PPP1R3F: variants seen among roughly 807,000 people sequenced by gnomAD.
PPP1R3F encodes the protein protein phosphatase 1, regulatory (inhibitor) subunit 3F.
In PPP1R3F, 29 loss-of-function variants were observed where a neutral mutation model predicts 24.2. The ratio of observed to expected loss-of-function variants is 1.20; its 90% CI spans 0.89 to 1.63. The LOEUF (loss-of-function observed/expected upper bound fraction) is 1.63. Ranked by LOEUF, PPP1R3F falls within the 40% of genes most tolerant of loss-of-function variation. The pLI, the probability that PPP1R3F is intolerant of heterozygous loss-of-function variation, is 0.00. For missense variants in PPP1R3F, 823 were observed against 729.3 expected (o/e 1.13, Z -1.48); for synonymous variants, 363 against 340.1 (o/e 1.07, Z -0.74).
Position 49,286,714 on chromosome X carries a change from T to C in PPP1R3F, c.2024T>C (p.Ile675Thr), listed in dbSNP as rs782558168. The change falls in exon 4 of 4, where the codon ATA (isoleucine) becomes ACA (threonine). Residue 675 changes from isoleucine to threonine, a missense_variant. By Grantham distance (89) the Ile-to-Thr change is moderately conservative. Transcript: ENST00000055335. ...GGGGAGGCCGGGACAGAAGCCCAGA[T>C]AGAGGTCACCAGTGAGTGGGCAGGC... ...SLGEAGTEAQ[I>T]EVTSEWAGSL... 9 of 1,208,338 alleles carry C rather than the reference T, an allele frequency of 7.4e-6. No homozygotes were observed. Among genetic ancestry groups the C allele is most frequent in the African/African-American group, 1.7e-5 (1 of 57,741 alleles).
In PPP1R3F at chrX:49,286,059, G is replaced by A. The variant is rs781948727; in HGVS notation, c.1369G>A (p.Ala457Thr). ...GGAGCCCAGTCAGCAGCAGGCAGAG[G>A]CCACATGGGGAGTATCGAGTGAGAA... ...FLEPSQQQAE[A>T]TWGVSSENGG... is the part of the protein sequence containing the mutation. The change falls in exon 4 of 4, where the codon GCC (alanine) becomes ACC (threonine). Residue 457 changes from alanine (A) to threonine (T), a missense_variant. By Grantham distance (58) the Ala-to-Thr change is moderately conservative. Transcript: ENST00000055335. 4 of 1,175,032 alleles carry A rather than the reference G, an allele frequency of 3.4e-6. No individual in the cohort carries two copies. In the South Asian group the frequency reaches 7.7e-5, roughly 23 times the overall value.
chrX:49,282,655 A>T (rs1390469275), intron 3 of PPP1R3F, among the ~76,000 whole-genome samples: 1 of 109,094 alleles, frequency 9.2e-6, no homozygotes, highest in Non-Finnish European at 1.9e-5. Flanking sequence ...AGGTGAGGCC[A>T]TGACTAACGT....
chrX:49,270,786 C>G lies in PPP1R3F; in HGVS notation c.917C>G (p.Pro306Arg). 1 of 1,194,324 alleles carries G rather than the reference C, an allele frequency of 8.4e-7. No homozygotes were observed. The highest frequency in any genetic ancestry group is 1.1e-6 in the Non-Finnish European group (1 of 886,622). The change falls in exon 1 of 4, where the codon CCG becomes CGG. Residue 306 changes from proline to arginine, a missense_variant. Coordinates refer to ENST00000055335, the MANE Select transcript of PPP1R3F (RefSeq NM_033215.5). ...AEGLPQQQQL[P>R]QLEPQPECQG... ...GGGCTGCCCCAGCAGCAGCAGCTGC[C>G]GCAGCTGGAGCCACAGCCCGAGTGC...
At position 49,286,332 on chromosome X, in the gene PPP1R3F, G is replaced by A. The variant is rs782230627; in HGVS notation, c.1642G>A (p.Ala548Thr). The change falls in exon 4 of 4, where the codon GCC (alanine) becomes ACC (threonine). Residue 548 changes from alanine (A) to threonine (T), a missense_variant. Coordinates refer to ENST00000055335, the MANE Select transcript of PPP1R3F (RefSeq NM_033215.5). ...TGGCCCTGAGCGGGCCCTGAACAGC[G>A]CCCTGGCTGAGGAGATCACGCTGCA... ...WPGPERALNS[A>T]LAEEITLHYA... 5.0e-6 allele frequency: 6 copies of A among 1,207,285 alleles called. No individual in the cohort carries two copies. The highest frequency in any genetic ancestry group is 3.5e-5 in the African/African-American group (2 of 57,906).
chrX:49,290,943 C>T (rs1185748937), downstream of PPP1R3F, among the ~76,000 whole-genome samples: 1 of 111,687 alleles, frequency 9.0e-6, no homozygotes, highest in Non-Finnish European at 1.9e-5. Context: ...CCTGCCCTCT[C>T]CCATTAATCT....
intron 3 of PPP1R3F, among the ~76,000 whole-genome samples, chrX:49,284,708 A>T (rs1409477201): frequency 1.8e-5 from 2 of 109,750 alleles, no homozygotes; most frequent in African/African-American, 6.6e-5. Flanking sequence ...ATGGGGTTTC[A>T]CCATGTTGGC....
intron 1 of PPP1R3F, among the ~76,000 whole-genome samples, chrX:49,277,707 C>G (rs1287776084): frequency 1.1e-4 from 12 of 112,405 alleles, no homozygotes; most frequent in African/African-American, 2.9e-4. Context: ...TAACTTGTTT[C>G]TTTTTAAGCC....
At chrX:49,274,274 T>G (rs1204361302) in intron 1 of PPP1R3F, 2 of 111,711 alleles carry the variant, frequency 1.8e-5, no homozygotes, top group Non-Finnish European at 3.8e-5. Flanking sequence ...CCTTTGGAAG[T>G]GTCCTATTCT....
downstream of PPP1R3F, among the ~76,000 whole-genome samples, chrX:49,291,619 C>T (rs1042919015): frequency 2.5e-4 from 28 of 110,791 alleles, no homozygotes; most frequent in Non-Finnish European, 4.3e-4. Flanking sequence ...TGAGCCACCA[C>T]GACTGGCCCT....
rs1557121338 is a variant in PPP1R3F, at chrX:49,285,910, C to G, written c.1220C>G (p.Thr407Arg). 8.3e-7 allele frequency: 1 copy of G among 1,207,429 alleles called. No individual in the cohort carries two copies. The highest frequency in any genetic ancestry group is 1.8e-5 in the South Asian group (1 of 56,226). Residue 407 changes from threonine (T) to arginine (R), a missense_variant, in exon 4 of 4, where the codon ACA becomes AGA. Thr to Arg is a moderately conservative substitution (Grantham distance 71, BLOSUM62 -1). Coordinates refer to ENST00000055335, the MANE Select transcript of PPP1R3F (RefSeq NM_033215.5). ...VPRSSPPVAF[T>R]EVLQAPAIRI... ...AGAAGCAGTCCACCTGTGGCTTTTA[C>G]AGAGGTCCTCCAGGCACCGGCCATC...
intron 3 of PPP1R3F, among the ~76,000 whole-genome samples, chrX:49,299,812 A>G (rs782387143): frequency 9.0e-6 from 1 of 111,607 alleles, no homozygotes; most frequent in African/African-American, 3.3e-5. Context: ...TCATAATGTG[A>G]GGGGAAAACT....
intron 3 of PPP1R3F, among the ~76,000 whole-genome samples, chrX:49,299,804 A>T (rs2066332449): frequency 8.9e-6 from 1 of 111,848 alleles, no homozygotes; most frequent in African/African-American, 3.3e-5. Context: ...GGCTTTGTTC[A>T]TAATGTGAGG....
At chrX:49,288,555 T>C (rs1399459107), downstream of PPP1R3F, among the ~76,000 whole-genome samples, 4 of 112,131 alleles carry the variant, frequency 3.6e-5, no homozygotes, top group African/African-American at 1.3e-4. Context: ...CTGATACTTA[T>C]TGTAATGGTA....
chrX:49,278,057 C>A (rs1602706833), intron 1 of PPP1R3F, among the ~76,000 whole-genome samples: 1 of 112,224 alleles, frequency 8.9e-6, no homozygotes, highest in Non-Finnish European at 1.9e-5. Context: ...CCTCCTCAGC[C>A]ATGGAAAGGG....
chrX:49,291,288 TTCTCTCTCTCTCTCTCTCTCTC>T (rs781932322), downstream of PPP1R3F, among the ~76,000 whole-genome samples: 1 of 50,612 alleles, frequency 2.0e-5, no homozygotes, highest in Non-Finnish European at 4.5e-5. Flanking sequence ...CAGCCTACTT[TTCTCTCTCTCTCTCTCTCTCTC>T]TCTCTCTCTC....
At chrX:49,277,152 T>C (rs890715246) in intron 1 of PPP1R3F, among the ~76,000 whole-genome samples, 11 of 112,900 alleles carry the variant, frequency 9.7e-5, no homozygotes, top group Non-Finnish European at 1.9e-5. Flanking sequence ...CCTCACCCGC[T>C]CGCTTACTCT....
chrX:49,279,695 T>G (rs931969831), intron 1 of PPP1R3F, among the ~76,000 whole-genome samples: 2 of 111,874 alleles, frequency 1.8e-5, no homozygotes, highest in Non-Finnish European at 3.8e-5. Flanking sequence ...AAAAAAAAAT[T>G]TTTCAACCAT....
intron 3 of PPP1R3F, among the ~76,000 whole-genome samples, chrX:49,284,509 C>CTTTTTT (rs145170789): frequency 7.9e-4 from 40 of 50,847 alleles, no homozygotes; most frequent in African/African-American, 1.8e-3. Flanking sequence ...CTTTTTCTTT[C>CTTTTTT]TTTTTTTTTT....
At chrX:49,276,242 T>C (rs2066212114) in intron 1 of PPP1R3F, among the ~76,000 whole-genome samples, 1 of 112,751 alleles carries the variant, frequency 8.9e-6, no homozygotes, top group Admixed American at 9.3e-5. Flanking sequence ...TTTCAGAGCT[T>C]CAGTTTCCCT....
Sources: allele counts gnomAD v4.1 joint callset (sites outside exome capture counted in the v4.1 genomes callset), GRCh38; gene constraint gnomAD v4.1.1; transcripts MANE v1.5; gene names NCBI Gene and HGNC (gene_info 2026-07-23, HGNC 2026-07-21).